Variants in SORCS1 observed in about 807,000 individuals in gnomAD.
The protein encoded by SORCS1 is VPS10 domain-containing receptor SorCS1.
SORCS1 carries 60 observed loss-of-function variants against 146.1 expected under a neutral mutation model. The ratio of observed to expected loss-of-function variants is 0.41; its 90% CI spans 0.33 to 0.51. The LOEUF (loss-of-function observed/expected upper bound fraction) is 0.51. Among genes scored for constraint, SORCS1 ranks in the 20% least tolerant of loss-of-function variants. The probability of loss-of-function intolerance (pLI) is 0.21; values close to 1 mark genes in which losing one functional copy is unlikely to be tolerated. For missense variants in SORCS1, 1,352 were observed against 1,487.6 expected (o/e 0.91, Z 1.50); for synonymous variants, 637 against 584.0 (o/e 1.09, Z -1.31).
chr10:107,111,110 C>T lies in SORCS1; in HGVS notation c.558+52859G>A, dbSNP rs141628441. ...AAAACTAGTCTGTAAAGACTAGAAG[C>T]GGTATTTGCTCCTGCAAATGCATAG... On this transcript the variant is annotated intron_variant, in intron 1 of 25. Coordinates refer to ENST00000263054, the MANE Select transcript of SORCS1 (RefSeq NM_052918.5). Among the ~76,000 whole-genome samples the T allele has an allele frequency of 4.6e-5, 7 of 152,272 alleles. No homozygotes were observed. In the East Asian group the frequency reaches 5.8e-4, roughly 13 times the overall value.
intron 1 of SORCS1, among the ~76,000 whole-genome samples, chr10:107,145,723 T>C (rs1338954766): frequency 1.3e-5 from 2 of 152,156 alleles, no homozygotes; most frequent in Non-Finnish European, 2.9e-5. Context: ...GCAACTTAAA[T>C]GTTAGGGTGA....
chr10:106,637,259 T>C (rs1848784271), intron 18 of SORCS1, among the ~76,000 whole-genome samples: 4 of 152,342 alleles, frequency 2.6e-5, no homozygotes, highest in Admixed American at 2.0e-4. Flanking sequence ...CTTTGTCCTC[T>C]CTGGCTTCTC....
chr10:106,725,875 G>T (rs1195497485), intron 6 of SORCS1, among the ~76,000 whole-genome samples: 1 of 150,850 alleles, frequency 6.6e-6, no homozygotes, highest in African/African-American at 2.4e-5. Flanking sequence ...AGGTTGCAGT[G>T]AGCCGAGATG....
At chr10:107,050,833 G>A (rs1000992023) in intron 1 of SORCS1, among the ~76,000 whole-genome samples, 7 of 152,100 alleles carry the variant, frequency 4.6e-5, no homozygotes, top group African/African-American at 1.7e-4. Context: ...AAAGAAGAGT[G>A]GGCTGAATTT....
intron 1 of SORCS1, among the ~76,000 whole-genome samples, chr10:107,063,163 G>C (rs965883999): frequency 1.3e-5 from 2 of 152,122 alleles, no homozygotes; most frequent in African/African-American, 4.8e-5. Context: ...AAATATAAAA[G>C]TAAATGGGTA....
chr10:106,761,506 G>T, intron 5 of SORCS1, 82 bp downstream of exon 5: 1 of 1,234,980 alleles, frequency 8.1e-7, no homozygotes, highest in Non-Finnish European at 1.2e-6. Context: ...GCACTGGTGA[G>T]AACAAGATTC....
At chr10:106,753,796 G>A (rs1468789221) in intron 5 of SORCS1, among the ~76,000 whole-genome samples, 1 of 152,120 alleles carries the variant, frequency 6.6e-6, no homozygotes, top group African/African-American at 2.4e-5. Flanking sequence ...TCAAAAGCCA[G>A]ACTTTATTGG....
chr10:107,082,607 A>G (rs751871954), intron 1 of SORCS1, among the ~76,000 whole-genome samples: 7 of 151,850 alleles, frequency 4.6e-5, no homozygotes, highest in Non-Finnish European at 1.0e-4. Context: ...TCAGCCTCCA[A>G]AGTAGCTGGG....
intron 2 of SORCS1, among the ~76,000 whole-genome samples, chr10:106,858,329 G>C (rs1305997980): frequency 2.0e-5 from 3 of 151,974 alleles, no homozygotes; most frequent in African/African-American, 7.3e-5. Context: ...AAGAAATTTG[G>C]GTGCATTTGG....
intron 9 of SORCS1, among the ~76,000 whole-genome samples, chr10:106,690,990 G>A (rs1853254067): frequency 6.6e-6 from 1 of 152,116 alleles, no homozygotes; most frequent in Non-Finnish European, 1.5e-5. Context: ...TGGCTATCAA[G>A]GGGACTAATA....
chr10:106,636,761 C>T (rs1207932776), intron 18 of SORCS1, among the ~76,000 whole-genome samples: 1 of 152,134 alleles, frequency 6.6e-6, no homozygotes, highest in Non-Finnish European at 1.5e-5. Flanking sequence ...ATCTTCAACC[C>T]TAAAAGAACT....
rs555539479 is a variant in SORCS1 at position 106,655,315 on chromosome 10, C to G, written c.2304-2762G>C. ...ACCAGCAATAGTAGCAAAAAAATGA[C>G]CAGTGATGTCACCCAGGTTAATTGT... On this transcript the variant is annotated intron_variant, in intron 17 of 25. Transcript: ENST00000263054. 5.8e-4 allele frequency among the ~76,000 whole-genome samples: 88 copies of G among 152,214 alleles called. 2 individuals carry two copies. The South Asian group carries it at 0.017, about 30-fold the overall frequency.
At chr10:106,736,933 A>G (rs1856989175) in intron 5 of SORCS1, among the ~76,000 whole-genome samples, 1 of 152,208 alleles carries the variant, frequency 6.6e-6, no homozygotes, top group Non-Finnish European at 1.5e-5. Flanking sequence ...CCTACTGAGA[A>G]TCAGCATTGC....
chr10:106,606,322 C>T (rs1430522560), intron 23 of SORCS1, among the ~76,000 whole-genome samples: 2 of 138,264 alleles, frequency 1.4e-5, no homozygotes, highest in Non-Finnish European at 3.2e-5. Context: ...CACACACACA[C>T]TCAAATGCTC....
intron 2 of SORCS1, among the ~76,000 whole-genome samples, chr10:106,855,647 T>C (rs912495829): frequency 1.2e-4 from 19 of 152,196 alleles, no homozygotes; most frequent in African/African-American, 4.3e-4. Flanking sequence ...CTCAGCCATG[T>C]CCAGTCTACC....
chr10:106,923,956 T>C (rs924818220), intron 2 of SORCS1, among the ~76,000 whole-genome samples: 1 of 152,158 alleles, frequency 6.6e-6, no homozygotes, highest in African/African-American at 2.4e-5. Flanking sequence ...TTTTGATAAA[T>C]GGCTTTAAAA....
At chr10:106,843,053 C>T (rs1336752980) in intron 2 of SORCS1, among the ~76,000 whole-genome samples, 1 of 152,186 alleles carries the variant, frequency 6.6e-6, no homozygotes, top group Non-Finnish European at 1.5e-5. Context: ...ATAATTACCA[C>T]AATCTACTTA....
chr10:107,063,198 C>T (rs1286964083), intron 1 of SORCS1, among the ~76,000 whole-genome samples: 1 of 152,162 alleles, frequency 6.6e-6, no homozygotes, highest in Non-Finnish European at 1.5e-5. Flanking sequence ...TAAGGAAAAG[C>T]ATCAACATGC....
intron 2 of SORCS1, among the ~76,000 whole-genome samples, chr10:106,850,193 C>T (rs12777186): frequency 0.034 from 5,162 of 151,752 alleles, 103 homozygotes; most frequent in East Asian, 0.058. Context: ...GCCTCGCTGC[C>T]GCCTTGCAGT....
Sources: gnomAD v4.1 joint callset for allele counts (sites outside exome capture counted in the v4.1 genomes callset) on GRCh38, gnomAD v4.1.1 for gene constraint, MANE v1.5 for transcripts, NCBI Gene and HGNC (gene_info 2026-07-23, HGNC 2026-07-21) for gene names.